TBCK: variants seen among roughly 807,000 people sequenced by gnomAD.
TBCK encodes TBC domain-containing protein kinase-like protein.
In TBCK, 99 loss-of-function variants were observed where a neutral mutation model predicts 113.4. The observed-to-expected ratio is 0.87, with a 90% CI of 0.74 to 1.03. The LOEUF (loss-of-function observed/expected upper bound fraction) is 1.03. Among genes scored for constraint, TBCK ranks in the 50% least tolerant of loss-of-function variants. TBCK has a pLI of 0.00. For missense variants in TBCK, 1,045 were observed against 1,061.3 expected, an observed-to-expected ratio of 0.98 and a Z score of 0.21; for synonymous variants, 369 against 370.8, an observed-to-expected ratio of 1.00 and a Z score of 0.05.
chr4:106,269,877 A>G (rs992883145), intron 3 of TBCK, among the ~76,000 whole-genome samples: 1 of 152,202 alleles, frequency 6.6e-6, no homozygotes, highest in Non-Finnish European at 1.5e-5. Flanking sequence ...AATCAAATAC[A>G]TATGGAAAAC....
chr4:106,145,431 T>C (rs557375288), intron 23 of TBCK, among the ~76,000 whole-genome samples: 63 of 152,338 alleles, frequency 4.1e-4, no homozygotes, highest in African/African-American at 1.4e-3. Flanking sequence ...ACTGTGTTTA[T>C]ACTCATGCTC....
intron 20 of TBCK, 99 bp downstream of exon 20, chr4:106,212,651 C>T: frequency 2.5e-6 from 2 of 788,630 alleles, no homozygotes; most frequent in Admixed American, 2.4e-5. Flanking sequence ...TTCAGATATG[C>T]ACTATGACAA....
At chr4:106,160,061 CTG>C (rs1749586046) in intron 23 of TBCK, among the ~76,000 whole-genome samples, 1 of 151,968 alleles carries the variant, frequency 6.6e-6, no homozygotes, top group Admixed American at 6.6e-5. Context: ...TCTGGAAAAA[CTG>C]TATATCTCCA....
chr4:106,180,263 G>C (rs1211576373), intron 22 of TBCK, among the ~76,000 whole-genome samples: 1 of 151,912 alleles, frequency 6.6e-6, no homozygotes, highest in East Asian at 1.9e-4. Flanking sequence ...TAATAGGTAA[G>C]AATTTGCTAC....
intron 1 of TBCK, among the ~76,000 whole-genome samples, chr4:106,314,890 G>A (rs1432695922): frequency 1.3e-5 from 2 of 152,006 alleles, no homozygotes; most frequent in Admixed American, 6.5e-5. Context: ...CTCCCAAAGT[G>A]CTAGGACTAC....
At chr4:106,283,570 T>C (rs2125796282) in intron 3 of TBCK, among the ~76,000 whole-genome samples, 1 of 152,262 alleles carries the variant, frequency 6.6e-6, no homozygotes, top group East Asian at 1.9e-4. Flanking sequence ...TTTCAAAATT[T>C]TGGCATTCAC....
chr4:106,058,409 C>T (rs991426704), intron 25 of TBCK, among the ~76,000 whole-genome samples: 4 of 151,686 alleles, frequency 2.6e-5, no homozygotes, highest in Non-Finnish European at 5.9e-5. Context: ...TAAAGTTGCT[C>T]TCTATATGTA....
intron 23 of TBCK, among the ~76,000 whole-genome samples, chr4:106,161,725 T>G (rs1749816912): frequency 6.6e-6 from 1 of 151,756 alleles, no homozygotes; most frequent in Non-Finnish European, 1.5e-5. Flanking sequence ...TGTGTGTGTG[T>G]GTGTATGTGT....
chr4:106,183,761 T>C (rs1375203542), intron 22 of TBCK, among the ~76,000 whole-genome samples: 3 of 152,090 alleles, frequency 2.0e-5, no homozygotes, highest in Non-Finnish European at 2.9e-5. Flanking sequence ...CAAAAGTAAT[T>C]ACAATCTTGC....
intron 25 of TBCK, among the ~76,000 whole-genome samples, chr4:106,085,425 A>C (rs1208967854): frequency 2.0e-5 from 3 of 152,232 alleles, no homozygotes; most frequent in Non-Finnish European, 2.9e-5. Context: ...TATATTCTGA[A>C]TATGTATTCA....
chr4:106,296,183 T>A (rs1346236566), intron 2 of TBCK, among the ~76,000 whole-genome samples: 1 of 152,142 alleles, frequency 6.6e-6, no homozygotes, highest in East Asian at 1.9e-4. Context: ...TGCTTGATAA[T>A]GAATCTAAGA....
intron 5 of TBCK, among the ~76,000 whole-genome samples, chr4:106,256,262 C>T (rs573372310): frequency 2.0e-5 from 3 of 152,276 alleles, no homozygotes; most frequent in East Asian, 3.9e-4. Flanking sequence ...CCCCTTCTAC[C>T]CAGGAACCTG....
chr4:106,218,060 C>T (rs536567115), intron 19 of TBCK, among the ~76,000 whole-genome samples: 6,895 of 140,328 alleles, frequency 0.049, 837 homozygotes, highest in African/African-American at 0.19. Context: ...TCAGAAATAA[C>T]GCCGCATATC....
intron 22 of TBCK, 53 bp downstream of exon 22, chr4:106,193,556 C>A: frequency 1.3e-6 from 2 of 1,597,046 alleles, no homozygotes; most frequent in South Asian, 2.2e-5. Context: ...AAGAATGTGT[C>A]ATTATTTCAT....
In TBCK at chr4:106,091,394, C is replaced by T. The variant is rs577285723; in HGVS notation, c.2571+4088G>A. On this transcript the variant is annotated intron_variant, in intron 25 of 25. Transcript: ENST00000394708. ...ATGACCAAACACCTCCCACTGTGTC[C>T]GGAACTGGTGGGTTCTTGGTCTCAC... Among the ~76,000 whole-genome samples the T allele has an allele frequency of 3.9e-5, 6 of 152,344 alleles. No individual in the cohort carries two copies. The South Asian group carries it at 6.2e-4, about 16-fold the overall frequency.
At chr4:106,261,335 T>C (rs1762485340) in intron 4 of TBCK, among the ~76,000 whole-genome samples, 2 of 151,972 alleles carry the variant, frequency 1.3e-5, no homozygotes, top group African/African-American at 4.8e-5. Context: ...CAGGCTGGAG[T>C]GCATTGGTGT....
At chr4:106,151,337 AT>A (rs1046749705) in intron 23 of TBCK, among the ~76,000 whole-genome samples, 6 of 151,816 alleles carry the variant, frequency 4.0e-5, no homozygotes, top group African/African-American at 1.2e-4. Flanking sequence ...ACCATTCCCA[AT>A]TCTCAACACA....
intron 23 of TBCK, among the ~76,000 whole-genome samples, chr4:106,124,253 C>T (rs1744854408): frequency 6.6e-6 from 1 of 152,210 alleles, no homozygotes; most frequent in African/African-American, 2.4e-5. Flanking sequence ...TGAAAAATTG[C>T]TCATTATCAC....
chr4:106,272,487 AATT>A (rs1362817593), intron 3 of TBCK, among the ~76,000 whole-genome samples: 59 of 139,988 alleles, frequency 4.2e-4, no homozygotes, highest in Non-Finnish European at 7.9e-4. Flanking sequence ...TTGTTTATTT[AATT>A]TTTTTTTTTT....
Sources: allele counts gnomAD v4.1 joint callset (sites outside exome capture counted in the v4.1 genomes callset), GRCh38; gene constraint gnomAD v4.1.1; transcripts MANE v1.5; gene names NCBI Gene and HGNC (gene_info 2026-07-23, HGNC 2026-07-21).